DCTN1: variants seen among roughly 807,000 people sequenced by gnomAD.
DCTN1 encodes the protein dynactin subunit 1.
In DCTN1, 61 loss-of-function variants were observed where a neutral mutation model predicts 161.2. The observed-to-expected ratio is 0.38, with a 90% CI of 0.31 to 0.47. DCTN1 has a LOEUF of 0.47. Ranked by LOEUF, DCTN1 falls within the 20% of genes least tolerant of loss-of-function variation. The probability of loss-of-function intolerance (pLI) is 0.99; values close to 1 mark genes in which losing one functional copy is unlikely to be tolerated. For synonymous variants in DCTN1, 653 were observed against 632.4 expected (o/e 1.03, Z -0.49); for missense variants, 1,404 against 1,623.7 (o/e 0.86, Z 2.33).
rs760390624 is a variant in DCTN1, at chr2:74,366,342, A to T, written c.2662T>A (p.Cys888Ser). 1 of 1,614,118 alleles carries T rather than the reference A, an allele frequency of 6.2e-7. No homozygotes were observed. Among genetic ancestry groups the T allele is most frequent in the Non-Finnish European group, 8.5e-7 (1 of 1,180,016 alleles). Residue 888 changes from cysteine (C) to serine (S), a missense_variant, in exon 23 of 32, where the codon TGT becomes AGT. Cys to Ser is a moderately radical substitution (Grantham distance 112). Transcript: ENST00000628224. The stretch of plus-strand genomic sequence containing the variant: ...AGGATGTTGCATGACTGGCGCAGAC[A>T]CTCATAGGGGCTGCTGGAGGGGGTC... ...YGTPSSSPYE[C>S]LRQSCNILIS...
intron 2 of DCTN1, 127 bp downstream of exon 2, chr2:74,377,873 C>G (rs528967206): frequency 8.1e-6 from 12 of 1,478,118 alleles, no homozygotes; most frequent in South Asian, 1.2e-5. Flanking sequence ...TTCCCTCCCC[C>G]ACTACCTTCC....
chr2:74,367,711 G>A lies in DCTN1; in HGVS notation c.2169C>T (p.Ala723=), dbSNP rs1409670002. 3 of 1,614,036 alleles carry A rather than the reference G, an allele frequency of 1.9e-6. No individual in the cohort carries two copies. Among genetic ancestry groups the A allele is most frequent in the East Asian group, 4.5e-5 (2 of 44,892 alleles). The change falls in exon 18 of 32, where the codon GCC becomes GCT. Residue 723 remains alanine, a synonymous_variant. Transcript: ENST00000628224. The part of the protein sequence containing the change: ...ETVNVEPLTK[A]IKYYQHLYSI... ...TGCCCCACACCTGATAGTACTTGAT[G>A]GCCTTGGTGAGAGGCTCCACATTGA...
chr2:74,379,442 G>C (rs890397657), intron 1 of DCTN1, among the ~76,000 whole-genome samples: 2 of 152,134 alleles, frequency 1.3e-5, no homozygotes, highest in African/African-American at 4.8e-5. Flanking sequence ...GGAAGGTGAG[G>C]ATGTAGTTCC....
At chr2:74,377,534 A>G in intron 3 of DCTN1, 68 bp from the exon 4 acceptor site, 2 of 1,538,570 alleles carry the variant, frequency 1.3e-6, no homozygotes, top group Non-Finnish European at 1.8e-6. Flanking sequence ...TAATAAGGGA[A>G]TATGGTAGTG....
chr2:74,371,998 A>C, intron 7 of DCTN1: 1 of 448,252 alleles, frequency 2.2e-6, no homozygotes, highest in Non-Finnish European at 4.1e-6. Flanking sequence ...TAAGATTATA[A>C]GGCTCCTCGC....
At chr2:74,379,788 T>C (rs1675426316) in intron 1 of DCTN1, among the ~76,000 whole-genome samples, 1 of 152,016 alleles carries the variant, frequency 6.6e-6, no homozygotes. Context: ...GAGTCAGAGG[T>C]CAGGCCTTGC....
intron 1 of DCTN1, 74 bp from the exon 2 acceptor site, chr2:74,378,319 C>G: frequency 1.2e-5 from 19 of 1,577,748 alleles, no homozygotes; most frequent in Non-Finnish European, 1.6e-5. Flanking sequence ...TAAGAAATGC[C>G]TCAGCCAAGA....
intron 1 of DCTN1, among the ~76,000 whole-genome samples, chr2:74,379,163 A>G (rs1428272425): frequency 6.6e-6 from 1 of 152,166 alleles, no homozygotes; most frequent in Non-Finnish European, 1.5e-5. Flanking sequence ...ACACAATAGA[A>G]AATTAGGTCC....
At chr2:74,368,182 C>T (rs777823397) in intron 16 of DCTN1, 51 bp from the exon 17 acceptor site, 2 of 1,552,628 alleles carry the variant, frequency 1.3e-6, no homozygotes, top group East Asian at 2.4e-5. Flanking sequence ...GGATGGAGAA[C>T]AGAGACTCAG....
intron 1 of DCTN1, chr2:74,391,563 T>C (rs1222388072): frequency 2.1e-5 from 7 of 332,246 alleles, no homozygotes; most frequent in African/African-American, 4.6e-5. Context: ...GGAGGAACTC[T>C]AAGGCGCAGT....
At chr2:74,381,583 C>T (rs2103743493), upstream of DCTN1, among the ~76,000 whole-genome samples, 1 of 152,324 alleles carries the variant, frequency 6.6e-6, no homozygotes, top group African/African-American at 2.4e-5. Context: ...CACATCCTTG[C>T]AGCCTGGACC....
intron 7 of DCTN1, among the ~76,000 whole-genome samples, chr2:74,372,332 C>T (rs998442928): frequency 6.6e-6 from 1 of 152,158 alleles, no homozygotes; most frequent in African/African-American, 2.4e-5. Context: ...AAAGTTGTAC[C>T]CCTAGACTCC....
chr2:74,363,834 AGT>A lies in DCTN1; in HGVS notation c.3197-208_3197-207del, dbSNP rs965033314. 75 of 680,926 alleles carry A rather than the reference AGT, an allele frequency of 1.1e-4. 1 individual carries two copies. The Admixed American group carries it at 1.1e-3, about 10-fold the overall frequency. The allele number at this position is 680,926 out of a possible 1,614,324, so 42.2% of individuals were successfully genotyped here. On this transcript the variant is annotated intron_variant, in intron 26 of 31. Coordinates refer to ENST00000628224, the MANE Select transcript of DCTN1 (RefSeq NM_004082.5). ...GTGTTAAAGAAAGACACCAAACAGG[AGT>A]GAGGCCACAAGACAGGGTACAATGT... is the stretch of plus-strand genomic sequence containing the variant.
chr2:74,391,427 T>C (rs570936626), intron 1 of DCTN1: 143 of 256,094 alleles, frequency 5.6e-4, no homozygotes, highest in Middle Eastern at 2.8e-3. Flanking sequence ...TGTGAGTCCT[T>C]TACGATTTTT....
intron 1 of DCTN1, among the ~76,000 whole-genome samples, chr2:74,387,464 G>C (rs1024657013): frequency 2.6e-5 from 4 of 151,946 alleles, no homozygotes; most frequent in African/African-American, 9.7e-5. Context: ...AGTTCAATAT[G>C]ACCCAAAACA....
Position 74,361,461 on chromosome 2 carries a change from G to A in DCTN1, c.*38C>T, listed in dbSNP as rs745491164. 3.1e-6 allele frequency: 5 copies of A among 1,613,532 alleles called. No homozygotes were observed. Among genetic ancestry groups the A allele is most frequent in the Non-Finnish European group, 4.2e-6 (5 of 1,179,966 alleles). On this transcript the variant is annotated 3_prime_UTR_variant, in exon 32 of 32. Transcript: ENST00000628224. ...TGCATCGGGCAGAGCGGCACCAGAG[G>A]GCTGAGGGTCGAAGGGGACAGCAGG...
chr2:74,365,902 G>T lies in DCTN1; in HGVS notation c.2877C>A (p.Leu959=). 1 of 1,614,188 alleles carries T rather than the reference G, an allele frequency of 6.2e-7. No individual in the cohort carries two copies. Among genetic ancestry groups the T allele is most frequent in the Non-Finnish European group, 8.5e-7 (1 of 1,180,042 alleles). Residue 959 remains leucine, a synonymous_variant, in exon 24 of 32, where the codon CTC becomes CTA. Transcript: ENST00000628224. ...CCTACACTACCCTCACCTTAATCTT[G>T]AGTGACTTCTTCAACTCCTTAATAA... is the stretch of plus-strand genomic sequence containing the variant. ...ETVIKELKKS[L]KIKGEELSEA... is the part of the protein sequence containing the mutation.
chr2:74,367,488 A>C (rs1674509443), intron 18 of DCTN1, 68 bp from the exon 19 acceptor site: 3 of 1,578,142 alleles, frequency 1.9e-6, no homozygotes, highest in Non-Finnish European at 2.6e-6. Context: ...CCCAAACTGT[A>C]GTTTGAGCCC....
upstream of DCTN1, chr2:74,380,694 C>T: frequency 2.5e-6 from 1 of 400,826 alleles, no homozygotes; most frequent in South Asian, 1.8e-5. Context: ...GTGAGTAGGG[C>T]CTGGATTTCA....
Sources: gnomAD v4.1 joint callset for allele counts (sites outside exome capture counted in the v4.1 genomes callset) on GRCh38, gnomAD v4.1.1 for gene constraint, MANE v1.5 for transcripts, NCBI Gene and HGNC (gene_info 2026-07-23, HGNC 2026-07-21) for gene names.